Variants in ANKMY1 observed in about 807,000 individuals in gnomAD.
ANKMY1 encodes ankyrin repeat and MYND domain-containing protein 1.
In ANKMY1, 98 loss-of-function variants were observed where a neutral mutation model predicts 102.0. That is an observed-to-expected ratio of 0.96 (90% CI 0.82 to 1.14). The LOEUF is 1.14. ANKMY1 is among the 50% of genes most tolerant of loss of function. ANKMY1 has a pLI of 0.00. For synonymous variants in ANKMY1, 582 were observed against 559.9 expected (o/e 1.04, Z -0.56); for missense variants, 1,330 against 1,347.6 (o/e 0.99, Z 0.20).
chr2:240,539,115 T>C (rs2087836037), intron 4 of ANKMY1, among the ~76,000 whole-genome samples: 1 of 152,310 alleles, frequency 6.6e-6, no homozygotes, highest in South Asian at 2.1e-4. Flanking sequence ...GGCAACCCAC[T>C]GGGGTCCCCT....
At position 240,526,173 on chromosome 2, in the gene ANKMY1, T is replaced by G. The variant is rs1030062954; in HGVS notation, c.1170+56A>C. 2.5e-6 allele frequency: 4 copies of G among 1,591,124 alleles called. No homozygotes were observed. The African/African-American group carries it at 4.0e-5, about 16-fold the overall frequency. ...GGGGCCACAGAGGGCCACCCACATG[T>G]GTGACCCTCACAGCTAAGCTCCTGC... On this transcript the variant is annotated intron_variant, in intron 6 of 17. Transcript: ENST00000401804.
intron 15 of ANKMY1, among the ~76,000 whole-genome samples, chr2:240,486,329 T>C (rs1345027191): frequency 1.3e-5 from 2 of 152,164 alleles, no homozygotes; most frequent in Admixed American, 6.5e-5. Flanking sequence ...ACACATAATA[T>C]ATAAATTCAA....
At chr2:240,536,549 A>G (rs941645572) in intron 4 of ANKMY1, among the ~76,000 whole-genome samples, 1 of 152,220 alleles carries the variant, frequency 6.6e-6, no homozygotes, top group African/African-American at 2.4e-5. Flanking sequence ...CAGTGACAAG[A>G]CCAGGTGGTA....
intron 4 of ANKMY1, among the ~76,000 whole-genome samples, chr2:240,550,438 T>C (rs1032765803): frequency 4.0e-5 from 6 of 151,430 alleles, no homozygotes; most frequent in African/African-American, 4.9e-5. Flanking sequence ...GGGTGCAGCA[T>C]ACCAGCATGG....
At position 240,554,884 on chromosome 2, in the gene ANKMY1, G is replaced by C; in HGVS notation, c.318C>G (p.Phe106Leu). The part of the protein sequence containing the change: ...GLNMKLGYGK[F>L]SWPTGESYHG... ...CAGTTACCTCGCCTGTGGGCCAAGA[G>C]AATTTGCCATATCCAAGCTTCATGT... Residue 106 changes from phenylalanine (F) to leucine (L), a missense_variant, in exon 3 of 18, where the codon TTC becomes TTG. Transcript: ENST00000401804. 1.2e-6 allele frequency: 2 copies of C among 1,614,162 alleles called. No individual in the cohort carries two copies. The highest frequency in any genetic ancestry group is 1.7e-6 in the Non-Finnish European group (2 of 1,180,010).
intron 4 of ANKMY1, among the ~76,000 whole-genome samples, chr2:240,535,052 G>A (rs1023809056): frequency 2.6e-5 from 4 of 152,276 alleles, no homozygotes; most frequent in South Asian, 2.1e-4. Flanking sequence ...AAGCTGTGTC[G>A]ATGAAAAAAG....
intron 9 of ANKMY1, among the ~76,000 whole-genome samples, chr2:240,517,238 T>C (rs755589311): frequency 2.6e-4 from 39 of 152,260 alleles, no homozygotes; most frequent in Admixed American, 8.5e-4. Flanking sequence ...ATTGACTTTA[T>C]AGAGTCAATG....
intron 4 of ANKMY1, among the ~76,000 whole-genome samples, chr2:240,538,133 C>G (rs1176723673): frequency 6.6e-6 from 1 of 152,222 alleles, no homozygotes; most frequent in Non-Finnish European, 1.5e-5. Context: ...GCTAGCAGCC[C>G]TCGCTCACTC....
Position 240,529,451 on chromosome 2 carries a change from C to T in ANKMY1, c.539G>A (p.Ser180Asn), listed in dbSNP as rs1286506381. ...TCGGAACCACAGCCCCACGTCCTGG[C>T]TGCCATCGGGGTAGGTCTCGACACC... is the stretch of plus-strand genomic sequence containing the variant. ...GPGVETYPDG[S>N]QDVGLWFREQ... Residue 180 changes from serine to asparagine, a missense_variant, in exon 5 of 18, where the codon AGC becomes AAC. Coordinates refer to ENST00000401804, the MANE Select transcript of ANKMY1 (RefSeq NM_001282771.3). This position sits in a 1 kb window ranked among gnomAD's most constrained non-coding sequence, Gnocchi z 4.2. 6.2e-7 allele frequency: 1 copy of T among 1,614,120 alleles called. No homozygotes were observed. Among genetic ancestry groups the T allele is most frequent in the South Asian group, 1.1e-5 (1 of 91,086 alleles).
At position 240,552,895 on chromosome 2, in the gene ANKMY1, C is replaced by A. The variant is rs1559386918; in HGVS notation, c.480+19G>T. On this transcript the variant is annotated intron_variant, in intron 4 of 17. Transcript: ENST00000401804. ...CACAGCCACTTCGACCCCAGCTGAACACATGGCAGCCCCCTCACCTGGAAA... is the reference window on the plus strand; with the variant it reads ...CACAGCCACTTCGACCCCAGCTGAAAACATGGCAGCCCCCTCACCTGGAAA... 6.2e-7 allele frequency: 1 copy of A among 1,613,532 alleles called. No individual in the cohort carries two copies. The highest frequency in any genetic ancestry group is 2.2e-5 in the East Asian group (1 of 44,856).
At position 240,480,923 on chromosome 2, in the gene ANKMY1, G is replaced by A. The variant is rs2151828443; in HGVS notation, c.3046+14C>T. On this transcript the variant is annotated intron_variant, in intron 17 of 17. Coordinates refer to ENST00000401804, the MANE Select transcript of ANKMY1 (RefSeq NM_001282771.3). ...CAGCGGAACCCTTGCCTCCCAGCCT[G>A]AGGGCCGACCTACCGATGGCCACCA... 6.2e-7 allele frequency: 1 copy of A among 1,600,482 alleles called. No individual in the cohort carries two copies. The highest frequency in any genetic ancestry group is 2.3e-5 in the East Asian group (1 of 44,398).
chr2:240,509,576 C>T lies in ANKMY1; in HGVS notation c.2287-121G>A, dbSNP rs576608950. 49 of 697,572 alleles carry T rather than the reference C, an allele frequency of 7.0e-5. 1 individual carries two copies. Among genetic ancestry groups the T allele is most frequent in the Non-Finnish European group, 8.4e-5 (35 of 418,416 alleles). The allele number at this position is 697,572 out of a possible 1,614,324, so 43.2% of individuals were successfully genotyped here. ...TCACTCAACGGCTACTTCCTGCCAA[C>T]CATTACCTTGCCTGACACAAGGTGT... On this transcript the variant is annotated intron_variant, in intron 11 of 17. Coordinates refer to ENST00000401804, the MANE Select transcript of ANKMY1 (RefSeq NM_001282771.3).
intron 15 of ANKMY1, among the ~76,000 whole-genome samples, chr2:240,496,426 G>GTCC (rs2077280483): frequency 6.6e-6 from 1 of 151,846 alleles, no homozygotes; most frequent in South Asian, 2.1e-4. Context: ...GCTTGATGGT[G>GTCC]TCCACTTTCC....
Position 240,524,199 on chromosome 2 carries a change from G to A in ANKMY1, c.1518C>T (p.Thr506=), listed in dbSNP as rs151235600. The part of the protein sequence containing the change: ...GSHEGGHFQD[T]GQCGGSIDHR... ...GGTCTATGGACCCCCCACACTGCCCGGTGTCCTGGAAGTGGCCGCCCTCGT... is the reference window on the plus strand; with the variant it reads ...GGTCTATGGACCCCCCACACTGCCCAGTGTCCTGGAAGTGGCCGCCCTCGT... The change falls in exon 8 of 18, where the codon ACC becomes ACT. Residue 506 remains threonine, a synonymous_variant. Coordinates refer to ENST00000401804, the MANE Select transcript of ANKMY1 (RefSeq NM_001282771.3). 808 of 1,613,868 alleles carry A rather than the reference G, an allele frequency of 5.0e-4. 1 individual carries two copies. Among genetic ancestry groups the A allele is most frequent in the Non-Finnish European group, 6.4e-4 (755 of 1,180,018 alleles).
chr2:240,537,919 G>C (rs2087287917), intron 4 of ANKMY1, among the ~76,000 whole-genome samples: 1 of 152,198 alleles, frequency 6.6e-6, no homozygotes, highest in Admixed American at 6.5e-5. Flanking sequence ...AGCTGCTTCT[G>C]TACCTCGCTT....
rs1464551711 is a variant in ANKMY1, at chr2:240,520,173, C to G, written c.2004+189G>C. ...AACTAGCTCGGTGTCCAAATCCTGT[C>G]TGGGGACATGGGTGAAAGAGCGGGC... On this transcript the variant is annotated intron_variant, in intron 9 of 17. Coordinates refer to ENST00000401804, the MANE Select transcript of ANKMY1 (RefSeq NM_001282771.3). The surrounding 1 kb of genome is among the most constrained non-coding windows in gnomAD (Gnocchi z 4.8). 1 of 890,324 alleles carries G rather than the reference C, an allele frequency of 1.1e-6. No homozygotes were observed. Among genetic ancestry groups the G allele is most frequent in the Non-Finnish European group, 1.8e-6 (1 of 544,566 alleles). 55.2% of individuals were successfully genotyped at this position (890,324 alleles called of 1,614,324 possible).
intron 10 of ANKMY1, among the ~76,000 whole-genome samples, chr2:240,512,236 C>T (rs1309075324): frequency 6.6e-6 from 1 of 152,252 alleles, no homozygotes; most frequent in Non-Finnish European, 1.5e-5. Flanking sequence ...CCCACGTCCC[C>T]CACGCAGTGG....
intron 4 of ANKMY1, among the ~76,000 whole-genome samples, chr2:240,545,757 T>C (rs1407776396): frequency 6.6e-6 from 1 of 151,988 alleles, no homozygotes; most frequent in African/African-American, 2.4e-5. Context: ...AGAAAGGGTA[T>C]CAGCGATGGA....
chr2:240,524,007 G>A lies in ANKMY1; in HGVS notation c.1710C>T (p.Leu570=). The A allele has an allele frequency of 1.9e-6, 3 of 1,613,952 alleles. No homozygotes were observed. Among genetic ancestry groups the A allele is most frequent in the Non-Finnish European group, 2.5e-6 (3 of 1,180,040 alleles). ...NVCVCDFSIE[L]SQAMLERSAQ... is the part of the protein sequence containing the mutation. ...CGCTTCTCTCCAGCATGGCCTGCGAGAGCTCGATGGAGAAGTCGCACACAC... is the reference window on the plus strand; with the variant it reads ...CGCTTCTCTCCAGCATGGCCTGCGAAAGCTCGATGGAGAAGTCGCACACAC... The change falls in exon 8 of 18, where the codon CTC becomes CTT. Residue 570 remains leucine, a synonymous_variant. Transcript: ENST00000401804.
Sources: gnomAD v4.1 joint callset for allele counts (sites outside exome capture counted in the v4.1 genomes callset) on GRCh38, gnomAD v4.1.1 for gene constraint, Gnocchi (gnomAD v3.1) non-coding constraint, MANE v1.5 for transcripts, NCBI Gene and HGNC (gene_info 2026-07-23, HGNC 2026-07-21) for gene names.